Variants in ZNF311 observed in about 807,000 individuals in gnomAD.
The protein encoded by ZNF311 is zinc finger protein zfp31.
In ZNF311, 14 loss-of-function variants were observed where a neutral mutation model predicts 22.7. The ratio of observed to expected loss-of-function variants is 0.62; its 90% CI spans 0.41 to 0.96. ZNF311 has a LOEUF of 0.96. Among genes scored for constraint, ZNF311 ranks in the 40% least tolerant of loss-of-function variants. The pLI, the probability that ZNF311 is intolerant of heterozygous loss-of-function variation, is 0.00. For synonymous variants in ZNF311, 250 were observed against 275.3 expected, an observed-to-expected ratio of 0.91 and a Z score of 0.91; for missense variants, 731 against 799.0, an observed-to-expected ratio of 0.91 and a Z score of 1.03.
Position 28,996,147 on chromosome 6 carries a change from C to T in ZNF311, c.855G>A (p.Lys285=). The change falls in exon 7 of 7, where the codon AAG becomes AAA. Residue 285 remains lysine (K), a synonymous_variant. Transcript: ENST00000377179. ...HVCNECGKAF[K]TRNQLSMHRI... is the part of the protein sequence containing the mutation. The stretch of plus-strand genomic sequence containing the variant: ...GGTGCATAGAAAGCTGATTTCTGGT[C>T]TTGAATGCTTTCCCACACTCATTAC... 6.2e-7 allele frequency: 1 copy of T among 1,613,310 alleles called. No homozygotes were observed. Among genetic ancestry groups the T allele is most frequent in the East Asian group, 2.2e-5 (1 of 44,866 alleles).
rs777153578 is a variant in ZNF311, at chr6:29,003,495, A to G, written c.91+18T>C. The G allele has an allele frequency of 2.5e-6, 4 of 1,612,596 alleles. No individual in the cohort carries two copies. The highest frequency in any genetic ancestry group is 3.4e-6 in the Non-Finnish European group (4 of 1,179,670). ...CTCAGCTGCCGTGACTCCTGCCACAATCTCCTGTGTATCTCACCGCTTTCC... is the reference window on the plus strand; with the variant it reads ...CTCAGCTGCCGTGACTCCTGCCACAGTCTCCTGTGTATCTCACCGCTTTCC... On this transcript the variant is annotated intron_variant, in intron 3 of 6. Coordinates refer to ENST00000377179, the MANE Select transcript of ZNF311 (RefSeq NM_001382360.1).
intron 6 of ZNF311, among the ~76,000 whole-genome samples, chr6:28,997,440 T>C (rs979065764): frequency 6.6e-6 from 1 of 152,216 alleles, no homozygotes; most frequent in Non-Finnish European, 1.5e-5. Flanking sequence ...GGTTAATTTC[T>C]ATTGCTGTCA....
Position 29,005,299 on chromosome 6 carries a change from G to C in ZNF311, c.-552C>G, listed in dbSNP as rs548383142. Reference sequence around the variant, plus strand: ...AAAAGAATGGGTCAGGAGGCGACAAGAGCAAGACTCCGGTCTCAAAAAAAA... The same window carrying C: ...AAAAGAATGGGTCAGGAGGCGACAACAGCAAGACTCCGGTCTCAAAAAAAA... On this transcript the variant is annotated 5_prime_UTR_variant, in exon 1 of 7. Coordinates refer to ENST00000377179, the MANE Select transcript of ZNF311 (RefSeq NM_001382360.1). 7.1e-6 allele frequency: 1 copy of C among 140,378 alleles called. No homozygotes were observed. Among genetic ancestry groups the C allele is most frequent in the African/African-American group, 2.7e-5 (1 of 37,042 alleles). 8.7% of individuals were successfully genotyped at this position (140,378 alleles called of 1,614,324 possible). A position where few individuals can be genotyped will look rare whatever the true frequency, so the allele number is the denominator to read the frequency against.
upstream of ZNF311, chr6:29,005,422 G>C (rs1393294565): frequency 6.6e-6 from 1 of 151,416 alleles, no homozygotes; most frequent in East Asian, 1.9e-4. Flanking sequence ...AACCGCAGCC[G>C]ACTCCCTCCT....
At chr6:29,002,774 C>T (rs1339257786) in intron 3 of ZNF311, among the ~76,000 whole-genome samples, 3 of 152,076 alleles carry the variant, frequency 2.0e-5, no homozygotes, top group Non-Finnish European at 4.4e-5. Flanking sequence ...GTGCATTACA[C>T]CACACCTGGC....
intron 1 of ZNF311, 117 bp from the exon 2 acceptor site, chr6:29,004,331 A>C (rs1780872470): frequency 2.9e-4 from 161 of 555,218 alleles, no homozygotes; most frequent in Non-Finnish European, 3.8e-4. Flanking sequence ...ATACAATCTC[A>C]ACGGCTACCA....
intron 4 of ZNF311, 149 bp downstream of exon 4, chr6:28,999,804 CCCA>C (rs1430831480): frequency 8.1e-7 from 1 of 1,234,530 alleles, no homozygotes; most frequent in Non-Finnish European, 1.1e-6. Context: ...GAGAAAACAA[CCCA>C]CAAGTGGTTT....
Position 28,995,246 on chromosome 6 carries a change from T to C in ZNF311, c.1756A>G (p.Ser586Gly), listed in dbSNP as rs1331495077. Residue 586 changes from serine to glycine, a missense_variant, in exon 7 of 7, where the codon AGT (serine) becomes GGT (glycine). By Grantham distance (56) the Ser-to-Gly change is moderately conservative (BLOSUM62 0). Coordinates refer to ENST00000377179, the MANE Select transcript of ZNF311 (RefSeq NM_001382360.1). This position sits in a 1 kb window ranked among gnomAD's most constrained non-coding sequence, Gnocchi z 4.7. ...TGACGGAAGGACGTGCCACACTCAC[T>C]GCAGGTGTATGGCTTCTCACCAGTG... is the stretch of plus-strand genomic sequence containing the variant. ...IHTGEKPYTC[S>G]ECGTSFRQGS... 1 of 1,614,066 alleles carries C rather than the reference T, an allele frequency of 6.2e-7. No homozygotes were observed. Among genetic ancestry groups the C allele is most frequent in the African/African-American group, 1.3e-5 (1 of 75,058 alleles).
intron 3 of ZNF311, among the ~76,000 whole-genome samples, chr6:29,002,195 G>C (rs1780532321): frequency 6.6e-6 from 1 of 152,184 alleles, no homozygotes. Flanking sequence ...CAGATATCTT[G>C]TGGGATAAGA....
rs1358525859 is a variant in ZNF311, at chr6:28,995,945, G to C, written c.1057C>G (p.His353Asp). 1.2e-6 allele frequency: 2 copies of C among 1,613,734 alleles called. No homozygotes were observed. Among genetic ancestry groups the C allele is most frequent in the East Asian group, 2.2e-5 (1 of 44,882 alleles). Residue 353 changes from histidine to aspartate, a missense_variant, in exon 7 of 7, where the codon CAC becomes GAC. By Grantham distance (81) the His-to-Asp change is moderately conservative. Transcript: ENST00000377179. The surrounding 1 kb of genome is among the most constrained non-coding windows in gnomAD (Gnocchi z 4.7). ...CATTTGTAAGGCTTCTCCCCGGTGTGGATAAGCTGATGCATACAGAGACGG... is the reference window on the plus strand; with the variant it reads ...CATTTGTAAGGCTTCTCCCCGGTGTCGATAAGCTGATGCATACAGAGACGG... ...RNRLCMHQLI[H>D]TGEKPYKCNC... is the part of the protein sequence containing the mutation.
chr6:29,001,446 C>T (rs1369127837), intron 3 of ZNF311, among the ~76,000 whole-genome samples: 5 of 152,162 alleles, frequency 3.3e-5, no homozygotes, highest in African/African-American at 7.2e-5. Flanking sequence ...CATGGTGGTT[C>T]CATACAGTTT....
Position 29,004,078 on chromosome 6 carries a change from C to T in ZNF311, c.-124G>A, listed in dbSNP as rs1027610554. On this transcript the variant is annotated 5_prime_UTR_variant, in exon 2 of 7. In the 5' UTR this introduces an upstream ATG that the reference lacks. Transcript: ENST00000377179. ...TGATGCCAGCCTCCTTTGGAGAACA[C>T]ATGTTTTGGTGGTGCCAGCCAAAGG... 5.7e-5 allele frequency: 91 copies of T among 1,604,108 alleles called. 1 individual carries two copies. In the Admixed American group the frequency reaches 1.3e-3, roughly 23 times the overall value.
In ZNF311 at chr6:28,995,795, T is replaced by G; in HGVS notation, c.1207A>C (p.Thr403Pro). 1 of 1,613,984 alleles carries G rather than the reference T, an allele frequency of 6.2e-7. No homozygotes were observed. Among genetic ancestry groups the G allele is most frequent in the Non-Finnish European group, 8.5e-7 (1 of 1,180,012 alleles). The change falls in exon 7 of 7, where the codon ACC (threonine) becomes CCC (proline). Residue 403 changes from threonine (T) to proline (P), a missense_variant. Transcript: ENST00000377179. The surrounding 1 kb of genome is among the most constrained non-coding windows in gnomAD (Gnocchi z 4.7). The part of the protein sequence containing the change: ...GKAFSGSSDL[T>P]KHIRIHTGER... ...CCAGTGTGGATTCTTATGTGTTTGGTGAGGTCTGAACTCCCACTGAAGGCC... is the reference window on the plus strand; with the variant it reads ...CCAGTGTGGATTCTTATGTGTTTGGGGAGGTCTGAACTCCCACTGAAGGCC...
chr6:29,003,654 A>C (rs1780764201), intron 2 of ZNF311, 60 bp from the exon 3 acceptor site: 1 of 1,574,478 alleles, frequency 6.4e-7, no homozygotes, highest in African/African-American at 1.3e-5. Context: ...ATACATAGGA[A>C]GATGCAAGCA....
intron 2 of ZNF311, 144 bp downstream of exon 2, chr6:29,003,802 A>T (rs1290874322): frequency 6.4e-7 from 1 of 1,569,706 alleles, no homozygotes; most frequent in Non-Finnish European, 8.7e-7. Flanking sequence ...CACCAGGTCA[A>T]GCAGCAAAAA....
At chr6:28,998,586 G>A in intron 6 of ZNF311, 148 bp downstream of exon 6, 1 of 577,284 alleles carries the variant, frequency 1.7e-6, no homozygotes, top group Non-Finnish European at 3.1e-6. Flanking sequence ...CAAATAGTTT[G>A]TCACTGTTTC....
chr6:29,001,555 T>C (rs1780449958), intron 3 of ZNF311, among the ~76,000 whole-genome samples: 1 of 152,270 alleles, frequency 6.6e-6, no homozygotes, highest in Non-Finnish European at 1.5e-5. Flanking sequence ...GACACATGTT[T>C]GTGCCTTGTT....
chr6:29,003,406 T>C (rs2150726746), intron 3 of ZNF311, 107 bp downstream of exon 3: 2 of 945,690 alleles, frequency 2.1e-6, no homozygotes, highest in East Asian at 4.8e-5. Flanking sequence ...TAAATGCTCA[T>C]TAATGAACAG....
At position 28,998,761 on chromosome 6, in the gene ZNF311, T is replaced by C. The variant is rs1297307699; in HGVS notation, c.388A>G (p.Arg130Gly). ...GGGTAGGAGCAGCTTAGGGACTCCC[T>C]GTCCTGTGGATCCTGCACACAGGGG... The part of the protein sequence containing the change: ...VDPCVQDPQD[R>G]ESLSCSYPVS... Residue 130 changes from arginine to glycine, a missense_variant, in exon 6 of 7, where the codon AGG (arginine) becomes GGG (glycine). Coordinates refer to ENST00000377179, the MANE Select transcript of ZNF311 (RefSeq NM_001382360.1). 3 of 1,612,842 alleles carry C rather than the reference T, an allele frequency of 1.9e-6. No homozygotes were observed. The highest frequency in any genetic ancestry group is 2.2e-5 in the East Asian group (1 of 44,864).
Sources: gnomAD v4.1 joint callset for allele counts (sites outside exome capture counted in the v4.1 genomes callset) on GRCh38, gnomAD v4.1.1 for gene constraint, Gnocchi (gnomAD v3.1) non-coding constraint, MANE v1.5 for transcripts, NCBI Gene and HGNC (gene_info 2026-07-23, HGNC 2026-07-21) for gene names.